Variants in ADARB2 observed in about 807,000 individuals in gnomAD.
ADARB2 encodes inactive double-stranded RNA-specific editase B2.
ADARB2 carries 25 observed loss-of-function variants against 62.2 expected under a neutral mutation model. That is an observed-to-expected ratio of 0.40 (90% CI 0.29 to 0.56). The LOEUF (loss-of-function observed/expected upper bound fraction) is 0.56. Among genes scored for constraint, ADARB2 ranks in the 20% least tolerant of loss-of-function variants. The pLI is 0.43. For synonymous variants in ADARB2, 572 were observed against 500.8 expected, an observed-to-expected ratio of 1.14 and a Z score of -1.90; for missense variants, 1,071 against 1,077.4, an observed-to-expected ratio of 0.99 and a Z score of 0.08.
At chr10:1,642,478 T>C (rs1564355776) in intron 1 of ADARB2, among the ~76,000 whole-genome samples, 1 of 152,214 alleles carries the variant, frequency 6.6e-6, no homozygotes, top group East Asian at 1.9e-4. Context: ...CAGTATTTAT[T>C]ACAATTAAGT....
At chr10:1,652,065 T>A (rs960424850) in intron 1 of ADARB2, among the ~76,000 whole-genome samples, 1 of 152,232 alleles carries the variant, frequency 6.6e-6, no homozygotes, top group Non-Finnish European at 1.5e-5. Flanking sequence ...GTGATTATGG[T>A]CACTGTATTC....
intron 1 of ADARB2, among the ~76,000 whole-genome samples, chr10:1,708,142 C>T (rs1305277050): frequency 6.6e-6 from 1 of 152,186 alleles, no homozygotes; most frequent in Non-Finnish European, 1.5e-5. Context: ...TGCCTTCTGT[C>T]CCTTGGGGTT....
intron 4 of ADARB2, among the ~76,000 whole-genome samples, chr10:1,246,670 G>C (rs1451561203): frequency 9.4e-6 from 1 of 106,328 alleles, no homozygotes; most frequent in Admixed American, 9.3e-5. Context: ...TTATTTCTGA[G>C]GGCTCTGTTC....
intron 1 of ADARB2, among the ~76,000 whole-genome samples, chr10:1,639,593 C>T (rs540948902): frequency 1.8e-4 from 28 of 152,318 alleles, no homozygotes; most frequent in Non-Finnish European, 3.2e-4. Flanking sequence ...GCCTGTCATC[C>T]CAGCACTTTG....
At chr10:1,462,521 CTGTATGTGCCTGTG>C (rs1831188465) in intron 1 of ADARB2, among the ~76,000 whole-genome samples, 2 of 151,742 alleles carry the variant, frequency 1.3e-5, no homozygotes, top group East Asian at 3.9e-4. Context: ...TGTAGTGTGC[CTGTATGTGCCTGTG>C]TGTATGTACA....
At chr10:1,272,524 G>T (rs1042628551) in intron 3 of ADARB2, among the ~76,000 whole-genome samples, 1 of 152,216 alleles carries the variant, frequency 6.6e-6, no homozygotes. Context: ...AGGGCCCGGC[G>T]CAGTCTCCTC....
chr10:1,459,660 G>A (rs1831142703), intron 1 of ADARB2, among the ~76,000 whole-genome samples: 2 of 152,206 alleles, frequency 1.3e-5, no homozygotes, highest in Admixed American at 1.3e-4. Flanking sequence ...TACTCGGGAG[G>A]GTGAGGCAGG....
At chr10:1,274,441 C>T (rs1481626995) in intron 3 of ADARB2, among the ~76,000 whole-genome samples, 1 of 152,198 alleles carries the variant, frequency 6.6e-6, no homozygotes, top group Non-Finnish European at 1.5e-5. Context: ...GAGTTATTCC[C>T]AATGACGTGT....
chr10:1,476,222 TG>T (rs1223720630), intron 1 of ADARB2, among the ~76,000 whole-genome samples: 2 of 151,966 alleles, frequency 1.3e-5, no homozygotes, highest in Non-Finnish European at 2.9e-5. Flanking sequence ...AGATGAGGGC[TG>T]CAGGAAGGAG....
intron 3 of ADARB2, among the ~76,000 whole-genome samples, chr10:1,348,409 G>A (rs1218696346): frequency 6.6e-6 from 1 of 152,160 alleles, no homozygotes; most frequent in Admixed American, 6.5e-5. Context: ...CTCCTGGGCT[G>A]TCAGGCGACG....
intron 3 of ADARB2, 73 bp downstream of exon 3, chr10:1,362,955 A>C (rs2131850338): frequency 8.1e-7 from 1 of 1,238,720 alleles, no homozygotes; most frequent in South Asian, 2.8e-5. Context: ...CGCCACTCCC[A>C]ACAGGGAAAG....
intron 1 of ADARB2, among the ~76,000 whole-genome samples, chr10:1,492,801 G>A (rs1434665844): frequency 2.0e-5 from 3 of 152,070 alleles, no homozygotes; most frequent in African/African-American, 7.2e-5. Context: ...GGAGGTGGGA[G>A]ACGAGGCCAG....
chr10:1,354,085 C>T (rs117562241), intron 3 of ADARB2, among the ~76,000 whole-genome samples: 9,483 of 152,162 alleles, frequency 0.062, 313 homozygotes, highest in South Asian at 0.1. Context: ...GTTTCCACGC[C>T]ACCCCTAATC....
At chr10:1,716,104 C>T (rs983941404) in intron 1 of ADARB2, among the ~76,000 whole-genome samples, 2 of 151,998 alleles carry the variant, frequency 1.3e-5, no homozygotes, top group African/African-American at 4.8e-5. Flanking sequence ...ACTGGGTGCA[C>T]CGTGCGCGTT....
intron 1 of ADARB2, among the ~76,000 whole-genome samples, chr10:1,676,292 G>A (rs1834465865): frequency 6.6e-6 from 1 of 152,048 alleles, no homozygotes; most frequent in Non-Finnish European, 1.5e-5. Context: ...AGACCCAAGG[G>A]CCTCTAGACG....
Position 1,203,519 on chromosome 10 carries a change from C to T in ADARB2, c.1683-3372G>A, listed in dbSNP as rs188378130. Among the ~76,000 whole-genome samples, 424 of 152,294 alleles carry T rather than the reference C, an allele frequency of 2.8e-3. 3 individuals are homozygous for T. The highest frequency in any genetic ancestry group is 9.6e-3 in the African/African-American group (398 of 41,570). On this transcript the variant is annotated intron_variant, in intron 7 of 9. Transcript: ENST00000381312. ...TGCAGCAAAGTCCTCAGCTGCCACC[C>T]GTCCCGGCGTCTGCAGCTCTGCAGG... is the stretch of plus-strand genomic sequence containing the variant.
intron 1 of ADARB2, among the ~76,000 whole-genome samples, chr10:1,456,883 A>G (rs1831102538): frequency 6.6e-6 from 1 of 151,984 alleles, no homozygotes; most frequent in African/African-American, 2.4e-5. Flanking sequence ...CAGCCTCCCC[A>G]TCCCAGGTTC....
At chr10:1,481,066 A>G (rs1053346685) in intron 1 of ADARB2, among the ~76,000 whole-genome samples, 3 of 152,248 alleles carry the variant, frequency 2.0e-5, no homozygotes, top group African/African-American at 7.2e-5. Context: ...CCTGACTTCA[A>G]AACGTACTAC....
intron 6 of ADARB2, among the ~76,000 whole-genome samples, chr10:1,231,168 C>T (rs982026426): frequency 1.3e-5 from 2 of 152,150 alleles, no homozygotes; most frequent in Admixed American, 6.5e-5. Flanking sequence ...CCAACTCCCA[C>T]CAGGGACATA....
Sources: allele counts gnomAD v4.1 joint callset (sites outside exome capture counted in the v4.1 genomes callset), GRCh38; gene constraint gnomAD v4.1.1; transcripts MANE v1.5; gene names NCBI Gene and HGNC (gene_info 2026-07-23, HGNC 2026-07-21).